Variants in NXPE4 observed in about 807,000 individuals in gnomAD.
NXPE4 encodes the protein neurexophilin and PC-esterase domain family member 4.
NXPE4 carries 42 observed loss-of-function variants against 33.3 expected under a neutral mutation model. The observed-to-expected ratio is 1.26, with a 90% CI of 0.98 to 1.63. The LOEUF (loss-of-function observed/expected upper bound fraction) is 1.63. NXPE4 is among the 40% of genes most tolerant of loss of function. NXPE4 has a pLI of 0.00. For missense variants in NXPE4, 709 were observed against 647.6 expected (o/e 1.09, Z -1.03); for synonymous variants, 253 against 234.9 (o/e 1.08, Z -0.71).
chr11:114,584,246 A>T, intron 2 of NXPE4: 2 of 459,138 alleles, frequency 4.4e-6, no homozygotes, highest in Non-Finnish European at 4.4e-6. Flanking sequence ...CCTTCATACA[A>T]TGATTACTTT....
chr11:114,663,831 A>G, the NXPE4 span, among the ~76,000 whole-genome samples: 1 of 152,132 alleles, frequency 6.6e-6, no homozygotes, highest in African/African-American at 2.4e-5. Flanking sequence ...TCCAGAAAAG[A>G]TATGAGCATA....
At chr11:114,576,928 G>T (rs1949005660) in intron 5 of NXPE4, among the ~76,000 whole-genome samples, 1 of 147,612 alleles carries the variant, frequency 6.8e-6, no homozygotes, top group Admixed American at 6.8e-5. Flanking sequence ...CAAAAATAAG[G>T]AACCAGCCCA....
the NXPE4 span, among the ~76,000 whole-genome samples, chr11:114,616,734 C>T: frequency 6.6e-6 from 1 of 151,214 alleles, no homozygotes; most frequent in African/African-American, 2.4e-5. Context: ...GTGTTGCCTC[C>T]TGGGTAACCA....
At chr11:114,583,062 G>T (rs752861867) in intron 2 of NXPE4, 41 bp from the exon 3 acceptor site, 1 of 1,560,906 alleles carries the variant, frequency 6.4e-7, no homozygotes, top group South Asian at 1.2e-5. Flanking sequence ...GATAAATTTA[G>T]AGCATATCTG....
At chr11:114,583,226 G>C in intron 2 of NXPE4, 1 of 696,738 alleles carries the variant, frequency 1.4e-6, no homozygotes, top group African/African-American at 1.8e-5. Flanking sequence ...ACTGACAGGA[G>C]AGACAGAGGG....
chr11:114,602,739 TAAAG>T, the NXPE4 span, among the ~76,000 whole-genome samples: 4 of 144,320 alleles, frequency 2.8e-5, no homozygotes, highest in East Asian at 2.1e-4. Context: ...CATATATAAT[TAAAG>T]AATCATATAT....
intron 2 of NXPE4, chr11:114,584,210 C>A: frequency 2.7e-6 from 1 of 376,100 alleles, no homozygotes. Flanking sequence ...AGAGCTGTGG[C>A]TCTGGATATG....
At chr11:114,610,278 C>T in the NXPE4 span, among the ~76,000 whole-genome samples, 3 of 150,508 alleles carry the variant, frequency 2.0e-5, no homozygotes, top group African/African-American at 4.9e-5. Flanking sequence ...GTTGCCTACC[C>T]GGTGGATAAT....
chr11:114,572,201 A>G (rs1565326904), intron 5 of NXPE4, among the ~76,000 whole-genome samples: 1 of 152,164 alleles, frequency 6.6e-6, no homozygotes, highest in Non-Finnish European at 1.5e-5. Flanking sequence ...ACCCTGTGGG[A>G]CAAAAGAATC....
intron 2 of NXPE4, among the ~76,000 whole-genome samples, chr11:114,589,084 A>T (rs2058810084): frequency 6.6e-6 from 1 of 152,080 alleles, no homozygotes. Context: ...TGCATCTGCG[A>T]GTTGCTATTG....
At chr11:114,673,739 T>C in the NXPE4 span, among the ~76,000 whole-genome samples, 2 of 151,860 alleles carry the variant, frequency 1.3e-5, no homozygotes, top group African/African-American at 4.8e-5. Context: ...GCTTTCCTTT[T>C]GTTCCCAAAG....
At chr11:114,615,047 TAA>T in the NXPE4 span, among the ~76,000 whole-genome samples, 9 of 151,856 alleles carry the variant, frequency 5.9e-5, no homozygotes, top group African/African-American at 1.9e-4. Flanking sequence ...CACTGGATAA[TAA>T]GTGTTGCCTC....
chr11:114,616,707 T>C, the NXPE4 span, among the ~76,000 whole-genome samples: 4 of 151,904 alleles, frequency 2.6e-5, no homozygotes, highest in South Asian at 8.3e-4. Context: ...AAACCACTGT[T>C]ACCCAGTGTA....
the NXPE4 span, among the ~76,000 whole-genome samples, chr11:114,667,487 A>G: frequency 1.3e-5 from 2 of 152,082 alleles, no homozygotes; most frequent in South Asian, 2.1e-4. Context: ...GTGGAACCCA[A>G]TTCCCCACCT....
the NXPE4 span, among the ~76,000 whole-genome samples, chr11:114,607,731 A>T: frequency 6.6e-6 from 1 of 151,962 alleles, no homozygotes; most frequent in East Asian, 1.9e-4. Context: ...CTCGTGGGTA[A>T]CCACAGTTGC....
At chr11:114,573,240 A>G (rs1948929812) in intron 5 of NXPE4, among the ~76,000 whole-genome samples, 1 of 152,208 alleles carries the variant, frequency 6.6e-6, no homozygotes, top group African/African-American at 2.4e-5. Flanking sequence ...AAAGCACACC[A>G]AAATAGAACC....
the NXPE4 span, among the ~76,000 whole-genome samples, chr11:114,659,000 G>A: frequency 6.6e-6 from 1 of 152,052 alleles, no homozygotes; most frequent in Non-Finnish European, 1.5e-5. Context: ...GGTGAAATAG[G>A]AACACTGAGA....
upstream of NXPE4, among the ~76,000 whole-genome samples, chr11:114,596,910 A>G (rs1470526938): frequency 1.3e-5 from 2 of 152,208 alleles, no homozygotes; most frequent in Admixed American, 6.5e-5. Context: ...AGAGTACAAA[A>G]GAAAGTTTGA....
chr11:114,602,572 A>T, the NXPE4 span, among the ~76,000 whole-genome samples: 1 of 140,014 alleles, frequency 7.1e-6, no homozygotes, highest in Non-Finnish European at 1.5e-5. Flanking sequence ...CATTTATAAT[A>T]ATTATCTCAT....
Sources: allele counts gnomAD v4.1 joint callset (sites outside exome capture counted in the v4.1 genomes callset), GRCh38; gene constraint gnomAD v4.1.1; transcripts MANE v1.5; gene names NCBI Gene and HGNC (gene_info 2026-07-23, HGNC 2026-07-21).